Variants in DNAH14 observed in about 807,000 individuals in gnomAD.
The protein encoded by DNAH14 is axonemal beta dynein heavy chain 14.
A neutral mutation model predicts 520.9 loss-of-function variants in DNAH14; 478 were observed. That is an observed-to-expected ratio of 0.92 (90% CI 0.85 to 0.99). The LOEUF (loss-of-function observed/expected upper bound fraction) is 0.99, where lower values mean the gene tolerates loss of function less well. Among genes scored for constraint, DNAH14 ranks in the 50% least tolerant of loss-of-function variants. DNAH14 has a pLI of 0.00. For synonymous variants in DNAH14, 1,581 were observed against 1,757.2 expected, an observed-to-expected ratio of 0.90 and a Z score of 2.51; for missense variants, 4,831 against 5,234.5, an observed-to-expected ratio of 0.92 and a Z score of 2.38.
intron 77 of DNAH14, among the ~76,000 whole-genome samples, chr1:225,373,664 G>C (rs1280409583): frequency 6.6e-6 from 1 of 152,152 alleles, no homozygotes; most frequent in Non-Finnish European, 1.5e-5. Flanking sequence ...GGCCTCAAGG[G>C]AGAGGATCTG....
chr1:225,022,412 ACCAAATAACT>A (rs894238577), intron 10 of DNAH14, among the ~76,000 whole-genome samples: 2 of 152,032 alleles, frequency 1.3e-5, no homozygotes, highest in African/African-American at 4.8e-5. Flanking sequence ...CAAACAAAAA[ACCAAATAACT>A]CCACTAAAAA....
At chr1:225,335,641 A>C (rs1283315297) in intron 66 of DNAH14, among the ~76,000 whole-genome samples, 1 of 137,910 alleles carries the variant, frequency 7.3e-6, no homozygotes, top group Non-Finnish European at 1.6e-5. Flanking sequence ...ATATGTGCAT[A>C]TATGTATATA....
Position 225,264,262 on chromosome 1 carries a change from GTA to G in DNAH14, c.7222+7_7222+8del. ...CATAAGACAGCAACTGGAAGTTCAGGTATATATTATAGTACAGTTTCAAAGCT... is the reference window on the plus strand; with the variant it reads ...CATAAGACAGCAACTGGAAGTTCAGGTATATTATAGTACAGTTTCAAAGCT... On this transcript the variant is annotated splice_donor_variant and splice_donor_region_variant and intron_variant, in intron 47 of 85. Coordinates refer to ENST00000682510, the MANE Select transcript of DNAH14 (RefSeq NM_001367479.1). LOFTEE classifies it high-confidence loss of function. 1 of 1,547,754 alleles carries G rather than the reference GTA, an allele frequency of 6.5e-7. No homozygotes were observed. The highest frequency in any genetic ancestry group is 8.7e-7 in the Non-Finnish European group (1 of 1,143,996).
Position 225,324,666 on chromosome 1 carries a change from A to G in DNAH14, c.9628-71A>G, listed in dbSNP as rs368807063. 1.4e-5 allele frequency: 19 copies of G among 1,314,052 alleles called. No homozygotes were observed. The South Asian group carries it at 1.6e-4, about 11-fold the overall frequency. 81.4% of individuals were successfully genotyped at this position (1,314,052 alleles called of 1,614,324 possible). On this transcript the variant is annotated intron_variant, in intron 63 of 85. Transcript: ENST00000682510. ...ACAATTGACTCTGTAAATGTCTTTC[A>G]AATATAAATGGCATTTTTAACAGTA...
chr1:225,079,767 G>A (rs990550338), intron 18 of DNAH14, among the ~76,000 whole-genome samples: 10 of 140,656 alleles, frequency 7.1e-5, no homozygotes, highest in Non-Finnish European at 1.1e-4. Context: ...TCCGCCTCCC[G>A]GGTTCACGCC....
chr1:225,269,574 T>C (rs1031923673), intron 49 of DNAH14, among the ~76,000 whole-genome samples: 1 of 152,206 alleles, frequency 6.6e-6, no homozygotes, highest in Non-Finnish European at 1.5e-5. Flanking sequence ...TTTTACAATC[T>C]GCCCATCTGA....
chr1:225,108,815 C>T, intron 23 of DNAH14, among the ~76,000 whole-genome samples: 1 of 152,188 alleles, frequency 6.6e-6, no homozygotes, highest in East Asian at 1.9e-4. Flanking sequence ...AGAATTTCCA[C>T]AGCGTTTTCT....
intron 72 of DNAH14, among the ~76,000 whole-genome samples, chr1:225,352,940 T>C (rs766725629): frequency 6.6e-6 from 1 of 152,096 alleles, no homozygotes; most frequent in Admixed American, 6.6e-5. Flanking sequence ...TTGGGACCCA[T>C]AATTTATTAT....
chr1:225,296,960 G>A (rs2094022838), intron 55 of DNAH14, among the ~76,000 whole-genome samples: 1 of 152,134 alleles, frequency 6.6e-6, no homozygotes, highest in South Asian at 2.1e-4. Flanking sequence ...TCCTCAGATA[G>A]GCTTTTTTGG....
intron 84 of DNAH14, 143 bp from the exon 85 acceptor site, chr1:225,398,377 A>T: frequency 1.0e-6 from 1 of 1,004,942 alleles, no homozygotes; most frequent in Non-Finnish European, 1.4e-6. Flanking sequence ...AGGAAAAAAA[A>T]TAAGTATTCA....
chr1:224,943,050 A>G (rs1260601089), intron 1 of DNAH14, among the ~76,000 whole-genome samples: 4 of 152,104 alleles, frequency 2.6e-5, no homozygotes, highest in Non-Finnish European at 5.9e-5. Flanking sequence ...CCTCTTTTTC[A>G]ATTGACTGAA....
rs149723007 is a variant in DNAH14 at position 225,244,577 on chromosome 1, T to C, written c.6748+3755T>C. ...GATTCATCTTCTTCCTGGTTTAGTC[T>C]TGGGAGGGTGTGTGTGTCTAGGAAT... On this transcript the variant is annotated intron_variant, in intron 43 of 85. Coordinates refer to ENST00000682510, the MANE Select transcript of DNAH14 (RefSeq NM_001367479.1). Among the ~76,000 whole-genome samples, 763 of 152,316 alleles carry C rather than the reference T, an allele frequency of 5.0e-3. 6 individuals carry two copies. Among genetic ancestry groups the C allele is most frequent in the African/African-American group, 0.017 (720 of 41,574 alleles).
chr1:225,389,823 T>C lies in DNAH14; in HGVS notation c.13280T>C (p.Phe4427Ser). ...CCTGAGGATTCAGAGAACAATTTCT[T>C]TGAAGGGTTTCCTTCAAGATACTGG... The part of the protein sequence containing the change: ...KHPEDSENNF[F>S]EGFPSRYWLP... Residue 4427 changes from phenylalanine to serine, a missense_variant, in exon 83 of 86, where the codon TTT becomes TCT. Physicochemically the swap from Phe to Ser is radical, Grantham distance 155. Coordinates refer to ENST00000682510, the MANE Select transcript of DNAH14 (RefSeq NM_001367479.1). 4 of 1,551,820 alleles carry C rather than the reference T, an allele frequency of 2.6e-6. No homozygotes were observed. Among genetic ancestry groups the C allele is most frequent in the Non-Finnish European group, 3.5e-6 (4 of 1,146,928 alleles).
At chr1:224,988,077 C>T (rs2062771154) in intron 8 of DNAH14, among the ~76,000 whole-genome samples, 1 of 144,672 alleles carries the variant, frequency 6.9e-6, no homozygotes, top group South Asian at 2.1e-4. Context: ...CCAAGCAGGC[C>T]CCAGTGTGTT....
chr1:225,178,692 T>C (rs2083619199), intron 36 of DNAH14, among the ~76,000 whole-genome samples: 1 of 152,106 alleles, frequency 6.6e-6, no homozygotes, highest in South Asian at 2.1e-4. Flanking sequence ...GATTTTTGAG[T>C]TAATGCTGAA....
intron 54 of DNAH14, among the ~76,000 whole-genome samples, chr1:225,283,106 A>G (rs1313793233): frequency 6.6e-6 from 1 of 151,982 alleles, no homozygotes; most frequent in Non-Finnish European, 1.5e-5. Context: ...AGCTCTGGAA[A>G]ATATTTATTT....
chr1:225,056,266 T>A (rs1343048158), intron 17 of DNAH14, among the ~76,000 whole-genome samples: 4 of 152,224 alleles, frequency 2.6e-5, no homozygotes, highest in Non-Finnish European at 5.9e-5. Context: ...TGGTTTAGAT[T>A]TGCATTTCTC....
intron 54 of DNAH14, among the ~76,000 whole-genome samples, chr1:225,278,527 C>T (rs1243803859): frequency 1.3e-5 from 2 of 152,130 alleles, no homozygotes; most frequent in Non-Finnish European, 2.9e-5. Context: ...TAGTCTGTCT[C>T]CTTATTCTGC....
At chr1:225,230,897 T>A (rs1043501409) in intron 41 of DNAH14, among the ~76,000 whole-genome samples, 176 bp from the exon 42 acceptor site, 1 of 152,208 alleles carries the variant, frequency 6.6e-6, no homozygotes, top group Non-Finnish European at 1.5e-5. Flanking sequence ...GAACATTCTC[T>A]GCTCCTCTAA....
Sources: allele counts gnomAD v4.1 joint callset (sites outside exome capture counted in the v4.1 genomes callset), GRCh38; gene constraint gnomAD v4.1.1; transcripts MANE v1.5; gene names NCBI Gene and HGNC (gene_info 2026-07-23, HGNC 2026-07-21).